Variants in TPD52 observed in about 807,000 individuals in gnomAD.
TPD52 encodes the protein tumor protein D52.
Under a neutral mutation model 31.3 loss-of-function variants are expected in TPD52, and 17 were observed. That is an observed-to-expected ratio of 0.54 (90% CI 0.37 to 0.82). The LOEUF is 0.82. Among genes scored for constraint, TPD52 ranks in the 40% least tolerant of loss-of-function variants. The pLI is 0.00. For missense variants in TPD52, 212 were observed against 240.1 expected (o/e 0.88, Z 0.77); for synonymous variants, 83 against 89.6 (o/e 0.93, Z 0.42).
intron 1 of TPD52, among the ~76,000 whole-genome samples, chr8:80,140,950 CGTGTGTGTGTGT>C (rs142097159): frequency 2.8e-5 from 4 of 143,778 alleles, no homozygotes; most frequent in African/African-American, 7.8e-5. Flanking sequence ...CAATACAACT[CGTGTGTGTGTGT>C]GTGTGTGTGT....
At chr8:80,154,322 C>T (rs1810779239) in intron 1 of TPD52, among the ~76,000 whole-genome samples, 1 of 152,212 alleles carries the variant, frequency 6.6e-6, no homozygotes, top group African/African-American at 2.4e-5. Context: ...AGCCCGCAGC[C>T]TCCCCAAGCT....
intron 1 of TPD52, among the ~76,000 whole-genome samples, chr8:80,065,567 A>G (rs1401793270): frequency 6.6e-6 from 1 of 152,150 alleles, no homozygotes; most frequent in East Asian, 1.9e-4. Context: ...CCTTGGGTGC[A>G]AAATTGAAGA....
rs1810021119 is a variant in TPD52 at position 80,037,917 on chromosome 8, G to A, written c.*199C>T. ...GTTTCCTAAATAAAGGAACATAAAT[G>A]TACACTAAAGGGTGTTTCCCAAGAA... is the stretch of plus-strand genomic sequence containing the variant. On this transcript the variant is annotated 3_prime_UTR_variant, in exon 8 of 8. Transcript: ENST00000518937. 1.8e-6 allele frequency: 1 copy of A among 571,208 alleles called. No individual in the cohort carries two copies. Among genetic ancestry groups the A allele is most frequent in the South Asian group, 3.5e-5 (1 of 28,976 alleles). The allele number at this position is 571,208 out of a possible 1,614,324, so 35.4% of individuals were successfully genotyped here.
At chr8:80,139,430 CAG>C (rs1401940164) in intron 1 of TPD52, among the ~76,000 whole-genome samples, 1 of 151,874 alleles carries the variant, frequency 6.6e-6, no homozygotes, top group Non-Finnish European at 1.5e-5. Context: ...AAAATTTTTT[CAG>C]AGTTTCAGAC....
At position 80,094,252 on chromosome 8, in the gene TPD52, C is replaced by G. The variant is rs138277137; in HGVS notation, c.20-29659G>C. On this transcript the variant is annotated intron_variant, in intron 1 of 7. Coordinates refer to ENST00000518937, the MANE Select transcript of TPD52 (RefSeq NM_001025253.3). ...CCATACAATTACTGTCATGTCATCTCTGAAAGATCAAGTTAACAATGTGTA... is the reference window on the plus strand; with the variant it reads ...CCATACAATTACTGTCATGTCATCTGTGAAAGATCAAGTTAACAATGTGTA... 5.3e-3 allele frequency among the ~76,000 whole-genome samples: 807 copies of G among 151,490 alleles called. 7 individuals are homozygous for G. The highest frequency in any genetic ancestry group is 0.017 in the African/African-American group (719 of 41,362).
intron 5 of TPD52, 98 bp from the exon 6 acceptor site, chr8:80,044,306 T>C (rs1810637185): frequency 2.2e-6 from 2 of 921,024 alleles, no homozygotes; most frequent in Admixed American, 3.4e-5. Flanking sequence ...AGGAGCTTTA[T>C]TCTCTTGGCG....
At chr8:80,141,865 G>A (rs1352324514) in intron 1 of TPD52, among the ~76,000 whole-genome samples, 7 of 151,630 alleles carry the variant, frequency 4.6e-5, no homozygotes, top group Admixed American at 1.3e-4. Flanking sequence ...AGCTGAGATC[G>A]CACCACTGCA....
chr8:80,169,856 A>G (rs1811959201), intron 1 of TPD52, among the ~76,000 whole-genome samples: 1 of 152,212 alleles, frequency 6.6e-6, no homozygotes, highest in Non-Finnish European at 1.5e-5. Flanking sequence ...CATGTCTACT[A>G]TGTACAAGTC....
intron 1 of TPD52, among the ~76,000 whole-genome samples, chr8:80,066,531 C>T (rs577369965): frequency 6.6e-6 from 1 of 152,312 alleles, no homozygotes; most frequent in East Asian, 1.9e-4. Flanking sequence ...TGTGAACAGA[C>T]TGCCCAAATA....
At chr8:80,053,528 A>G in intron 2 of TPD52, 98 bp from the exon 3 acceptor site, 1 of 1,263,282 alleles carries the variant, frequency 7.9e-7, no homozygotes, top group South Asian at 1.4e-5. Context: ...GTCATTAAAC[A>G]TTTTTTTGAA....
At chr8:80,166,626 G>A (rs778880300) in intron 1 of TPD52, among the ~76,000 whole-genome samples, 3 of 151,774 alleles carry the variant, frequency 2.0e-5, no homozygotes, top group South Asian at 2.1e-4. Context: ...TTTGTTGGCC[G>A]GGCACAGTGG....
At chr8:80,166,447 G>A (rs191398861) in intron 1 of TPD52, among the ~76,000 whole-genome samples, 2,660 of 151,588 alleles carry the variant, frequency 0.018, 41 homozygotes, top group South Asian at 0.056. Flanking sequence ...GGTCAGGCGG[G>A]TCTCCAACTC....
At chr8:80,133,550 C>T (rs1367740782) in intron 1 of TPD52, among the ~76,000 whole-genome samples, 5 of 152,110 alleles carry the variant, frequency 3.3e-5, no homozygotes, top group East Asian at 1.9e-4. Context: ...AAACCAATTA[C>T]AAACATTTTA....
intron 1 of TPD52, among the ~76,000 whole-genome samples, chr8:80,089,883 G>C (rs1252062229): frequency 2.0e-5 from 3 of 152,300 alleles, no homozygotes; most frequent in Admixed American, 2.0e-4. Flanking sequence ...AAAACATCTG[G>C]AAGAAAACCT....
intron 7 of TPD52, 34 bp downstream of exon 7, chr8:80,042,586 G>A: frequency 1.9e-6 from 3 of 1,583,246 alleles, no homozygotes; most frequent in Non-Finnish European, 2.6e-6. Context: ...ACCAGGCAAT[G>A]TATCAAAAAG....
rs1810499171 is a variant in TPD52 at position 80,042,655 on chromosome 8, A to G, written c.469T>C (p.Phe157Leu). The change falls in exon 7 of 8, where the codon TTT (phenylalanine) becomes CTT (leucine). Residue 157 changes from phenylalanine to leucine, a missense_variant. By Grantham distance (22) the Phe-to-Leu change is conservative. Coordinates refer to ENST00000518937, the MANE Select transcript of TPD52 (RefSeq NM_001025253.3). ...SMPAMRNSPTFKSFEEKVENL... is the reference protein window; with the variant it reads ...SMPAMRNSPTLKSFEEKVENL... ...TCGACCTTTTCTTCAAATGATTTAA[A>G]AGTTGGGGAGTTTCTATGGAGAGAA... The G allele has an allele frequency of 1.2e-6, 2 of 1,612,044 alleles. No individual in the cohort carries two copies. Among genetic ancestry groups the G allele is most frequent in the Middle Eastern group, 1.7e-4 (1 of 6,052 alleles).
intron 1 of TPD52, among the ~76,000 whole-genome samples, chr8:80,086,223 T>C (rs1822120815): frequency 6.7e-6 from 1 of 150,344 alleles, no homozygotes; most frequent in African/African-American, 2.5e-5. Flanking sequence ...GTTTAAGTGA[T>C]TCTCCTAACC....
intron 1 of TPD52, among the ~76,000 whole-genome samples, chr8:80,108,265 A>T (rs1033471906): frequency 6.6e-6 from 1 of 152,222 alleles, no homozygotes; most frequent in African/African-American, 2.4e-5. Context: ...GACATTTTTC[A>T]TGAGCAATTC....
chr8:80,077,274 CA>C (rs368480127), intron 1 of TPD52, among the ~76,000 whole-genome samples: 38,525 of 116,286 alleles, frequency 0.33, 4,961 homozygotes, highest in Middle Eastern at 0.48. Context: ...GACTCTGTCT[CA>C]AAAAAAAAAA....
Sources: gnomAD v4.1 joint callset for allele counts (sites outside exome capture counted in the v4.1 genomes callset) on GRCh38, gnomAD v4.1.1 for gene constraint, MANE v1.5 for transcripts, NCBI Gene and HGNC (gene_info 2026-07-23, HGNC 2026-07-21) for gene names.